Variants in NUP188 observed in about 807,000 individuals in gnomAD.
NUP188 encodes the protein nucleoporin 188.
NUP188 carries 97 observed loss-of-function variants against 223.0 expected under a neutral mutation model. The ratio of observed to expected loss-of-function variants is 0.43; its 90% CI spans 0.37 to 0.51. The LOEUF is 0.51. NUP188 is among the 20% of genes least tolerant of loss of function. NUP188 has a pLI of 0.00. For missense variants in NUP188, 1,947 were observed against 2,175.6 expected (o/e 0.89, Z 2.09); for synonymous variants, 869 against 828.0 (o/e 1.05, Z -0.85).
intron 11 of NUP188, among the ~76,000 whole-genome samples, chr9:128,971,655 T>C (rs1842106534): frequency 6.6e-6 from 1 of 152,196 alleles, no homozygotes; most frequent in African/African-American, 2.4e-5. Flanking sequence ...CCTGACCTCG[T>C]GATCCACCCG....
chr9:129,005,473 G>C lies in NUP188; in HGVS notation c.4680G>C (p.Lys1560Asn), dbSNP rs557374946. The C allele has an allele frequency of 1.9e-6, 3 of 1,606,170 alleles. No individual in the cohort carries two copies. The highest frequency in any genetic ancestry group is 1.7e-6 in the Non-Finnish European group (2 of 1,179,994). ...VQYGLLKILS[K>N]TLAALRHFTP... ...ATGGCCTTCTCAAGATCCTCAGCAA[G>C]ACGCTGGCAGCCCTGCGCCACTTCA... The change falls in exon 40 of 44, where the codon AAG becomes AAC. Residue 1560 changes from lysine to asparagine, a missense_variant. Physicochemically the swap from Lys to Asn is moderately conservative, Grantham distance 94. Around this residue, in one of 3 missense-constraint regions of NUP188, gnomAD observed 905 missense variants for 990.6 expected, o/e 0.91. Coordinates refer to ENST00000372577, the MANE Select transcript of NUP188 (RefSeq NM_015354.3).
rs756380420 is a variant in NUP188, at chr9:128,998,188, G to A, written c.3389G>A (p.Arg1130His). ...CACCTGACTGACTCTGTGGTGCGTC[G>A]CCAGCTCTTTCTTGACGTGCTTGAT... ...IMHLTDSVVR[R>H]QLFLDVLDGT... Residue 1130 changes from arginine to histidine, a missense_variant, in exon 31 of 44, where the codon CGC becomes CAC. Physicochemically the swap from Arg to His is conservative, Grantham distance 29. Coordinates refer to ENST00000372577, the MANE Select transcript of NUP188 (RefSeq NM_015354.3). 4 of 1,613,746 alleles carry A rather than the reference G, an allele frequency of 2.5e-6. No individual in the cohort carries two copies. Among genetic ancestry groups the A allele is most frequent in the East Asian group, 2.2e-5 (1 of 44,890 alleles).
intron 41 of NUP188, 48 bp from the exon 42 acceptor site, chr9:129,006,002 T>C: frequency 1.3e-6 from 2 of 1,598,028 alleles, no homozygotes. Flanking sequence ...TCTCAGTAAG[T>C]GGGAGCTGTT....
chr9:129,003,399 C>G lies in NUP188; in HGVS notation c.4379C>G (p.Ser1460Cys), dbSNP rs1297646936. The G allele has an allele frequency of 2.5e-6, 4 of 1,613,288 alleles. No individual in the cohort carries two copies. Among genetic ancestry groups the G allele is most frequent in the South Asian group, 2.2e-5 (2 of 91,086 alleles). Reference protein sequence around the residue: ...DHTVGFILQLSNFMKEWHFHL... With the variant: ...DHTVGFILQLCNFMKEWHFHL... ...ACCGTGGGTTTTATTCTGCAGCTCT[C>G]TAACTTCATGAAGGAGTGGCACTTC... is the stretch of plus-strand genomic sequence containing the variant. Residue 1460 changes from serine (S) to cysteine (C), a missense_variant, in exon 38 of 44, where the codon TCT (serine) becomes TGT (cysteine). Around this residue, in one of 3 missense-constraint regions of NUP188, gnomAD observed 905 missense variants for 990.6 expected, o/e 0.91. Transcript: ENST00000372577.
chr9:129,006,401 C>T, intron 43 of NUP188, 33 bp downstream of exon 43: 7 of 1,614,118 alleles, frequency 4.3e-6, no homozygotes, highest in Non-Finnish European at 3.4e-6. Flanking sequence ...AGGGCTGGAC[C>T]AATAGGGCCA....
In NUP188 at chr9:128,968,620, G is replaced by C. The variant is rs186480704; in HGVS notation, c.700G>C (p.Val234Leu). The C allele has an allele frequency of 9.8e-5, 158 of 1,614,036 alleles. 1 individual carries two copies. The highest frequency in any genetic ancestry group is 5.0e-4 in the Admixed American group (30 of 60,012). The change falls in exon 9 of 44, where the codon GTA becomes CTA. Residue 234 changes from valine (V) to leucine (L), a missense_variant. Transcript: ENST00000372577. ...TGAGATGGCACCCAGTGACTTACTT[G>C]TATTAACCAAGATGTTTAAAGAGCA... ...YFEMAPSDLL[V>L]LTKMFKEQGF... is the part of the protein sequence containing the mutation.
chr9:128,987,865 G>A (rs900667609), intron 23 of NUP188, 148 bp downstream of exon 23: 145 of 1,229,796 alleles, frequency 1.2e-4, no homozygotes, highest in Non-Finnish European at 1.5e-4. Context: ...AGTGGCTGCT[G>A]TATAGATTGG....
At chr9:128,987,935 C>A in intron 23 of NUP188, 112 bp from the exon 24 acceptor site, 1 of 1,337,478 alleles carries the variant, frequency 7.5e-7, no homozygotes, top group Non-Finnish European at 1.0e-6. Context: ...GGGCCTCTAA[C>A]AGAAGCTGTT....
rs188144095 is a variant in NUP188 at position 128,967,518 on chromosome 9, C to T, written c.586-988C>T. On this transcript the variant is annotated intron_variant, in intron 8 of 43. Coordinates refer to ENST00000372577, the MANE Select transcript of NUP188 (RefSeq NM_015354.3). Reference sequence around the variant, plus strand: ...AAAAATTTAAAAAATTGGCTGGGCGCGGTGGCTCACGCCTGTAATCCCAGC... The same window carrying T: ...AAAAATTTAAAAAATTGGCTGGGCGTGGTGGCTCACGCCTGTAATCCCAGC... 7.5e-4 allele frequency among the ~76,000 whole-genome samples: 114 copies of T among 152,082 alleles called. 1 individual carries two copies. Among genetic ancestry groups the T allele is most frequent in the Middle Eastern group, 6.8e-3 (2 of 294 alleles).
At chr9:128,947,898 T>G in intron 1 of NUP188, 147 bp downstream of exon 1, 99 of 712,660 alleles carry the variant, frequency 1.4e-4, no homozygotes, top group Non-Finnish European at 1.9e-4. Flanking sequence ...GGGAGGCGGT[T>G]ACGTCCAAAC....
At position 128,982,538 on chromosome 9, in the gene NUP188, TTC is replaced by T; in HGVS notation, c.1517-4_1517-3del. 6.2e-7 allele frequency: 1 copy of T among 1,601,534 alleles called. No homozygotes were observed. The highest frequency in any genetic ancestry group is 8.5e-7 in the Non-Finnish European group (1 of 1,175,596). On this transcript the variant is annotated splice_polypyrimidine_tract_variant and intron_variant, in intron 15 of 43. Coordinates refer to ENST00000372577, the MANE Select transcript of NUP188 (RefSeq NM_015354.3). ...CCTCAGATATTAGACTAATTTATCT[TTC>T]TCTCTCAGGGGGTCAAACCAACCTT...
chr9:128,977,017 G>A (rs1842185303), intron 12 of NUP188, among the ~76,000 whole-genome samples: 1 of 151,986 alleles, frequency 6.6e-6, no homozygotes, highest in South Asian at 2.1e-4. Flanking sequence ...AGGTTTCAGT[G>A]TGCTGAGATG....
chr9:128,987,815 A>G (rs1385377581), intron 23 of NUP188, 98 bp downstream of exon 23: 10 of 1,476,934 alleles, frequency 6.8e-6, no homozygotes, highest in Non-Finnish European at 9.2e-6. Context: ...CTTTTAGAAG[A>G]CGACATTGTT....
At chr9:128,950,628 T>C (rs1241949173) in intron 2 of NUP188, among the ~76,000 whole-genome samples, 1 of 151,732 alleles carries the variant, frequency 6.6e-6, no homozygotes, top group South Asian at 2.1e-4. Context: ...ATCAATTGAG[T>C]GCACAAGCTC....
At chr9:128,986,764 C>T in intron 21 of NUP188, 45 bp from the exon 22 acceptor site, 1 of 1,612,674 alleles carries the variant, frequency 6.2e-7, no homozygotes. Flanking sequence ...GATAAGGGGT[C>T]ATTTCACAAG....
intron 8 of NUP188, among the ~76,000 whole-genome samples, chr9:128,966,550 C>T (rs1842033888): frequency 6.6e-6 from 1 of 152,046 alleles, no homozygotes; most frequent in African/African-American, 2.4e-5. Context: ...GTTGCCCAGG[C>T]TAGTCTTGGA....
rs138063113 is a variant in NUP188, at chr9:129,006,515, C to G, written c.5087C>G (p.Ser1696Cys). 1.2e-6 allele frequency: 2 copies of G among 1,613,546 alleles called. No homozygotes were observed. Among genetic ancestry groups the G allele is most frequent in the African/African-American group, 2.7e-5 (2 of 75,026 alleles). The change falls in exon 44 of 44, where the codon TCC becomes TGC. Residue 1696 changes from serine (S) to cysteine (C), a missense_variant. Transcript: ENST00000372577. ...ELSSELSTLLSSLSRYFRRGA... is the reference protein window; with the variant it reads ...ELSSELSTLLCSLSRYFRRGA... ...TTTTTCTTGTAGAGCACGCTGCTGT[C>G]CAGCCTCTCGCGCTACTTCCGCCGG...
intron 8 of NUP188, among the ~76,000 whole-genome samples, chr9:128,960,180 C>T (rs1472787927): frequency 6.6e-6 from 1 of 150,836 alleles, no homozygotes; most frequent in Non-Finnish European, 1.5e-5. Flanking sequence ...TCTCCTGCCT[C>T]AGCCTCCCGA....
chr9:128,952,398 CAAAAAA>C (rs939252129), intron 2 of NUP188, among the ~76,000 whole-genome samples: 1 of 60,654 alleles, frequency 1.6e-5, no homozygotes, highest in Non-Finnish European at 3.6e-5. Flanking sequence ...GACTCCGTCT[CAAAAAA>C]AAAAAAAAAA....
Sources: allele counts gnomAD v4.1 joint callset (sites outside exome capture counted in the v4.1 genomes callset), GRCh38; gene constraint gnomAD v4.1.1; regional missense constraint gnomAD v4.1.1; transcripts MANE v1.5; gene names NCBI Gene and HGNC (gene_info 2026-07-23, HGNC 2026-07-21).